The following CORO2A variants were observed in gnomAD, a reference collection of about 807,000 sequenced individuals.
CORO2A encodes the protein coronin 2A.
CORO2A carries 47 observed loss-of-function variants against 62.4 expected under a neutral mutation model. The ratio of observed to expected loss-of-function variants is 0.75; its 90% CI spans 0.60 to 0.96. The LOEUF is 0.96. CORO2A is among the 40% of genes least tolerant of loss of function. The pLI is 0.00. For missense variants in CORO2A, 610 were observed against 684.1 expected (o/e 0.89, Z 1.21); for synonymous variants, 273 against 268.9 (o/e 1.02, Z -0.15).
At chr9:98,127,307 G>A (rs944848253) in intron 10 of CORO2A, among the ~76,000 whole-genome samples, 2 of 152,194 alleles carry the variant, frequency 1.3e-5, no homozygotes, top group Non-Finnish European at 2.9e-5. Flanking sequence ...CCAAGGCAGA[G>A]GCTCTTCCAG....
intron 2 of CORO2A, among the ~76,000 whole-genome samples, chr9:98,149,558 GCAGA>G (rs1428756658): frequency 1.3e-5 from 2 of 152,246 alleles, no homozygotes; most frequent in Non-Finnish European, 2.9e-5. Context: ...TTCCAATCAT[GCAGA>G]CAGTGAAGGG....
Position 98,133,170 on chromosome 9 carries a change from G to A in CORO2A, c.516C>T (p.Pro172=). The part of the protein sequence containing the change: ...LDTKESVITS[P]MSTISCHQDV... ...CTTGGTGACAGCTAATCGTACTCAT[G>A]GGGCTTGTGATGACAGACTCCTTTG... Residue 172 remains proline, a synonymous_variant, in exon 5 of 12, where the codon CCC becomes CCT. Transcript: ENST00000375077. 6.2e-7 allele frequency: 1 copy of A among 1,614,224 alleles called. No individual in the cohort carries two copies. Among genetic ancestry groups the A allele is most frequent in the Non-Finnish European group, 8.5e-7 (1 of 1,180,028 alleles).
intron 1 of CORO2A, among the ~76,000 whole-genome samples, chr9:98,158,765 G>A (rs1827840619): frequency 6.6e-6 from 1 of 152,074 alleles, no homozygotes; most frequent in African/African-American, 2.4e-5. Context: ...AGGTGTCTTA[G>A]GCAGATAGAA....
intron 5 of CORO2A, 45 bp from the exon 6 acceptor site, chr9:98,132,346 C>G: frequency 6.5e-7 from 1 of 1,541,102 alleles, no homozygotes. Context: ...AGTAGAGGAT[C>G]GGGGGCAGCT....
At chr9:98,191,991 C>G (rs955564864) in intron 1 of CORO2A, among the ~76,000 whole-genome samples, 6 of 152,256 alleles carry the variant, frequency 3.9e-5, no homozygotes, top group Non-Finnish European at 5.9e-5. Flanking sequence ...ACCTAGGGCT[C>G]CTCCAGCCCC....
At position 98,137,193 on chromosome 9, in the gene CORO2A, C is replaced by T. The variant is rs1023012988; in HGVS notation, c.318+379G>A. Among the ~76,000 whole-genome samples the T allele has an allele frequency of 2.0e-5, 3 of 152,234 alleles. No individual in the cohort carries two copies. The South Asian group carries it at 6.2e-4, about 32-fold the overall frequency. On this transcript the variant is annotated intron_variant, in intron 3 of 11. Coordinates refer to ENST00000375077, the MANE Select transcript of CORO2A (RefSeq NM_052820.4). Reference sequence around the variant, plus strand: ...AAGGCCCTCACAGCCTTTTATAGCTCGCTTCCTCACTATGGGATTAAGTGG... The same window carrying T: ...AAGGCCCTCACAGCCTTTTATAGCTTGCTTCCTCACTATGGGATTAAGTGG...
chr9:98,136,904 T>C (rs1827492556), intron 3 of CORO2A, among the ~76,000 whole-genome samples: 1 of 152,200 alleles, frequency 6.6e-6, no homozygotes, highest in Non-Finnish European at 1.5e-5. Flanking sequence ...CCTAGGTTGG[T>C]CTCCAACTCC....
At chr9:98,138,812 G>A (rs1047023440) in intron 2 of CORO2A, among the ~76,000 whole-genome samples, 2 of 152,080 alleles carry the variant, frequency 1.3e-5, no homozygotes, top group African/African-American at 4.8e-5. Context: ...ACTTTGGGGG[G>A]CCGAGGCGGG....
chr9:98,169,419 C>T (rs1828004027), intron 1 of CORO2A, among the ~76,000 whole-genome samples: 1 of 151,666 alleles, frequency 6.6e-6, no homozygotes, highest in Non-Finnish European at 1.5e-5. Flanking sequence ...CCCAGCCCTG[C>T]CCCCACGGCC....
intron 2 of CORO2A, among the ~76,000 whole-genome samples, chr9:98,153,056 G>GA (rs1190617727): frequency 6.6e-6 from 1 of 152,140 alleles, no homozygotes; most frequent in Non-Finnish European, 1.5e-5. Context: ...GATACAGACC[G>GA]AAGTACAGTA....
intron 2 of CORO2A, among the ~76,000 whole-genome samples, chr9:98,150,304 C>A (rs1024943672): frequency 6.6e-6 from 1 of 152,084 alleles, no homozygotes; most frequent in African/African-American, 2.4e-5. Flanking sequence ...CCTGGGCTTA[C>A]GACGCCTTCA....
In CORO2A at chr9:98,189,665, C is replaced by A. The variant is rs375511133; in HGVS notation, c.-1+2894G>T. On this transcript the variant is annotated intron_variant, in intron 1 of 11. Coordinates refer to ENST00000375077, the MANE Select transcript of CORO2A (RefSeq NM_052820.4). Reference sequence around the variant, plus strand: ...AGGTCCAGAGAGGGGAACGGATCGGCCCAAGGTCACACAGTAGGGAAGAGG... The same window carrying A: ...AGGTCCAGAGAGGGGAACGGATCGGACCAAGGTCACACAGTAGGGAAGAGG... Among the ~76,000 whole-genome samples, 185 of 151,992 alleles carry A rather than the reference C, an allele frequency of 1.2e-3. 8 individuals carry two copies. In the South Asian group the frequency reaches 0.037, roughly 30 times the overall value.
chr9:98,125,192 G>A (rs951593650), intron 11 of CORO2A, among the ~76,000 whole-genome samples: 10 of 152,160 alleles, frequency 6.6e-5, no homozygotes, highest in African/African-American at 2.2e-4. Context: ...TGGTGTTTTC[G>A]CCACCACTGA....
Position 98,129,798 on chromosome 9 carries a change from C to T in CORO2A, c.963G>A (p.Gly321=). The T allele has an allele frequency of 6.2e-7, 1 of 1,612,568 alleles. No individual in the cohort carries two copies. The highest frequency in any genetic ancestry group is 8.5e-7 in the Non-Finnish European group (1 of 1,178,676). Residue 321 remains glycine (G), a synonymous_variant, in exon 8 of 12, where the codon GGG becomes GGA. Transcript: ENST00000375077. ...TEYRSYNPQK[G]IGVMPKRGLD... ...ACTTCAGTGTCCCTCACTTACCGATCCCCTTCTGTGGGTTATAGGAGCGGT... is the reference window on the plus strand; with the variant it reads ...ACTTCAGTGTCCCTCACTTACCGATTCCCTTCTGTGGGTTATAGGAGCGGT...
At chr9:98,136,869 A>C (rs1280162572) in intron 3 of CORO2A, among the ~76,000 whole-genome samples, 1 of 152,142 alleles carries the variant, frequency 6.6e-6, no homozygotes, top group Non-Finnish European at 1.5e-5. Flanking sequence ...TAATTTTTTA[A>C]TAGAGACAGG....
At chr9:98,181,023 G>A (rs183662102) in intron 1 of CORO2A, among the ~76,000 whole-genome samples, 11 of 152,264 alleles carry the variant, frequency 7.2e-5, no homozygotes, top group Non-Finnish European at 1.3e-4. Context: ...AATCCCTCAC[G>A]CCACTGACTT....
intron 1 of CORO2A, among the ~76,000 whole-genome samples, chr9:98,166,979 C>A (rs1827969704): frequency 6.6e-6 from 1 of 151,684 alleles, no homozygotes; most frequent in Non-Finnish European, 1.5e-5. Context: ...TGGCACACAC[C>A]TGTAGTCCCA....
chr9:98,179,249 G>T (rs552341066), intron 1 of CORO2A, among the ~76,000 whole-genome samples: 9 of 152,302 alleles, frequency 5.9e-5, no homozygotes, highest in African/African-American at 2.2e-4. Flanking sequence ...ATCTGGGACC[G>T]CTAGAGCATG....
intron 2 of CORO2A, among the ~76,000 whole-genome samples, chr9:98,151,094 A>G (rs2795492): frequency 0.64 from 96,579 of 152,038 alleles, 31,323 homozygotes; most frequent in African/African-American, 0.78. Context: ...TGCCATTTAT[A>G]CCCTCCCTAT....
Sources: gnomAD v4.1 joint callset for allele counts (sites outside exome capture counted in the v4.1 genomes callset) on GRCh38, gnomAD v4.1.1 for gene constraint, MANE v1.5 for transcripts, NCBI Gene and HGNC (gene_info 2026-07-23, HGNC 2026-07-21) for gene names.